The following FIBP variants were observed in gnomAD, a reference collection of about 807,000 sequenced individuals.
The protein encoded by FIBP is FGF1 intracellular binding protein, also known as acidic fibroblast growth factor intracellular-binding protein.
FIBP carries 29 observed loss-of-function variants against 40.5 expected under a neutral mutation model. The ratio of observed to expected loss-of-function variants is 0.72; its 90% confidence interval spans 0.53 to 0.98. The LOEUF is 0.98. Among genes scored for constraint, FIBP ranks in the 50% least tolerant of loss-of-function variants. FIBP has a pLI of 0.00. For synonymous variants in FIBP, 215 were observed against 191.1 expected, an observed-to-expected ratio of 1.13 and a Z score of -1.03; for missense variants, 411 against 470.2, an observed-to-expected ratio of 0.87 and a Z score of 1.16.
chr11:65,886,095 G>A (rs901501752), intron 4 of FIBP: 5 of 499,684 alleles, frequency 1.0e-5, no homozygotes, highest in Non-Finnish European at 1.8e-5. Context: ...TGAACCAGGA[G>A]GCAGAGGTTG....
Position 65,884,594 on chromosome 11 carries a change from G to T in FIBP, c.882C>A (p.Asp294Glu). The change falls in exon 8 of 10, where the codon GAC becomes GAA. Residue 294 changes from aspartate to glutamate, a missense_variant. By Grantham distance (45) the Asp-to-Glu change is conservative (BLOSUM62 2). Transcript: ENST00000357519. Reference sequence around the variant, plus strand: ...CCTTCTCCACGAGGTCCACAAACAGGTCTCTGACATCTTTATTGTGGGTCA... The same window carrying T: ...CCTTCTCCACGAGGTCCACAAACAGTTCTCTGACATCTTTATTGTGGGTCA... ...AKLTHNKDVRDLFVDLVEKFV... is the reference protein window; with the variant it reads ...AKLTHNKDVRELFVDLVEKFV... 1 of 1,614,192 alleles carries T rather than the reference G, an allele frequency of 6.2e-7. No individual in the cohort carries two copies. The highest frequency in any genetic ancestry group is 8.5e-7 in the Non-Finnish European group (1 of 1,180,020).
At position 65,885,628 on chromosome 11, in the gene FIBP, C is replaced by T. The variant is rs752473991; in HGVS notation, c.548G>A (p.Arg183His). 5 of 1,613,994 alleles carry T rather than the reference C, an allele frequency of 3.1e-6. No individual in the cohort carries two copies. The highest frequency in any genetic ancestry group is 1.3e-5 in the African/African-American group (1 of 74,910). The change falls in exon 5 of 10, where the codon CGC becomes CAC. Residue 183 changes from arginine (R) to histidine (H), a missense_variant. Coordinates refer to ENST00000357519, the MANE Select transcript of FIBP (RefSeq NM_004214.5). ...CAGTTTTTTCTTCCCTGTCTCAAAG[C>T]GGTTGTTAGCAAAGAAGACGATGGC... ...YAAIVFFANN[R>H]FETGKKKLQY...
Position 65,885,569 on chromosome 11 carries a change from C to T in FIBP, c.607G>A (p.Ala203Thr), listed in dbSNP as rs376153374. The change falls in exon 5 of 10, where the codon GCT becomes ACT. Residue 203 changes from alanine to threonine, a missense_variant. Ala to Thr is a moderately conservative substitution (Grantham distance 58). Coordinates refer to ENST00000357519, the MANE Select transcript of FIBP (RefSeq NM_004214.5). ...YLSFGDFAFC[A>T]ELMIQNWTLG... ...GTCCAGTTTTGGATCATGAGCTCAG[C>T]GCAGAAGGCAAAGTCACCGAAGCTC... 1.6e-5 allele frequency: 26 copies of T among 1,614,046 alleles called. No homozygotes were observed. Among genetic ancestry groups the T allele is most frequent in the Admixed American group, 1.0e-4 (6 of 59,992 alleles).
chr11:65,884,027 C>G lies in FIBP; in HGVS notation c.1021G>C (p.Asp341His), dbSNP rs368941233. The G allele has an allele frequency of 1.9e-6, 3 of 1,613,576 alleles. No individual in the cohort carries two copies. The African/African-American group carries it at 4.0e-5, about 22-fold the overall frequency. The change falls in exon 10 of 10, where the codon GAC (aspartate) becomes CAC (histidine). Residue 341 changes from aspartate to histidine, a missense_variant. Coordinates refer to ENST00000357519, the MANE Select transcript of FIBP (RefSeq NM_004214.5). The stretch of plus-strand genomic sequence containing the variant: ...CCGCGGAGGGTGCCCATGTAGCGGT[C>G]CCAGAGGGCCTGGTGTCTGTAAGAA... ...LDGFRHQALWDRYMGTLRGCL... is the reference protein window; with the variant it reads ...LDGFRHQALWHRYMGTLRGCL...
In FIBP at chr11:65,884,985, C is replaced by G. The variant is rs1250365176; in HGVS notation, c.769G>C (p.Ala257Pro). Residue 257 changes from alanine to proline, a missense_variant, in exon 7 of 10, where the codon GCT (alanine) becomes CCT (proline). Physicochemically the swap from Ala to Pro is conservative, Grantham distance 27 (BLOSUM62 -1). Transcript: ENST00000357519. The stretch of plus-strand genomic sequence containing the variant: ...AAGACGCCCAGCTTTCCCCGGAGAG[C>G]AGTGCACACCAGGCTGCAGAGAGAC... ...LDLHKSLVCTALRGKLGVFSE... is the reference protein window; with the variant it reads ...LDLHKSLVCTPLRGKLGVFSE... 1 of 1,614,194 alleles carries G rather than the reference C, an allele frequency of 6.2e-7. No homozygotes were observed. The highest frequency in any genetic ancestry group is 8.5e-7 in the Non-Finnish European group (1 of 1,180,040).
rs1237194501 is a variant in FIBP at position 65,885,543 on chromosome 11, G to A, written c.633C>T (p.Thr211=). The part of the protein sequence containing the change: ...FCAELMIQNW[T]LGAVDSQMDD... ...TGGGGGCCTCACCGACGGCTCCAAG[G>A]GTCCAGTTTTGGATCATGAGCTCAG... The change falls in exon 5 of 10, where the codon ACC becomes ACT. Residue 211 remains threonine, a synonymous_variant. Transcript: ENST00000357519. The A allele has an allele frequency of 6.2e-7, 1 of 1,613,882 alleles. No homozygotes were observed. Among genetic ancestry groups the A allele is most frequent in the Non-Finnish European group, 8.5e-7 (1 of 1,179,862 alleles).
chr11:65,887,100 T>C, intron 3 of FIBP: 1 of 222,808 alleles, frequency 4.5e-6, no homozygotes, highest in South Asian at 5.6e-5. Flanking sequence ...CTGATAAAAT[T>C]TCAGGTCATT....
At position 65,887,735 on chromosome 11, in the gene FIBP, G is replaced by A; in HGVS notation, c.285-9C>T. 1 of 1,614,010 alleles carries A rather than the reference G, an allele frequency of 6.2e-7. No individual in the cohort carries two copies. The highest frequency in any genetic ancestry group is 1.1e-5 in the South Asian group (1 of 91,070). On this transcript the variant is annotated splice_polypyrimidine_tract_variant and intron_variant, in intron 2 of 9. Transcript: ENST00000357519. ...CATCAAAGGCATAGTACCTTGTGGA[G>A]TCAGAGAACACCATTGACCCTCCAT...
rs996467689 is a variant in FIBP, at chr11:65,884,916, G to T, written c.819+19C>A. On this transcript the variant is annotated intron_variant, in intron 7 of 9. Transcript: ENST00000357519. ...AGGCTGAAGATGCCAAGGGTCAGAG[G>T]CTGGATGGGACCACAGACCTTGAAG... The T allele has an allele frequency of 1.9e-6, 3 of 1,613,714 alleles. No homozygotes were observed. The highest frequency in any genetic ancestry group is 1.3e-5 in the African/African-American group (1 of 74,922).
At position 65,884,056 on chromosome 11, in the gene FIBP, G is replaced by C; in HGVS notation, c.1005-13C>G. 6.2e-7 allele frequency: 1 copy of C among 1,610,344 alleles called. No individual in the cohort carries two copies. On this transcript the variant is annotated splice_polypyrimidine_tract_variant and intron_variant, in intron 9 of 9. Transcript: ENST00000357519. ...GAGGGCCTGGTGTCTGTAAGAACAT[G>C]AACAGTGACAGCTGAGTTTTCACAA...
intron 9 of FIBP, 163 bp from the exon 10 acceptor site, chr11:65,884,206 G>T: frequency 1.3e-6 from 1 of 748,452 alleles, no homozygotes; most frequent in South Asian, 1.8e-5. Flanking sequence ...CTGAGGCATG[G>T]AGAGGTTAAG....
intron 9 of FIBP, 148 bp downstream of exon 9, chr11:65,884,243 TA>T: frequency 1.2e-6 from 1 of 802,616 alleles, no homozygotes; most frequent in Non-Finnish European, 2.0e-6. Flanking sequence ...ACACAGCTTC[TA>T]AGAGGGAGAG....
rs2231894 is a variant in FIBP, at chr11:65,883,832, C to T, written c.*142G>A. On this transcript the variant is annotated 3_prime_UTR_variant, in exon 10 of 10. Transcript: ENST00000357519. ...GTTCCCAAGGAGCCACTGTACACAT[C>T]CATCCTTGTACACGGACACCAGGTG... 5.1e-6 allele frequency: 4 copies of T among 783,440 alleles called. No homozygotes were observed. In the East Asian group the frequency reaches 1.1e-4, roughly 21 times the overall value. 48.5% of individuals were successfully genotyped at this position (783,440 alleles called of 1,614,324 possible). A position where few individuals can be genotyped will look rare whatever the true frequency, so the allele number is the denominator to read the frequency against.
rs1860180877 is a variant in FIBP at position 65,884,599 on chromosome 11, T to C, written c.877A>G (p.Arg293Gly). 1 of 1,614,176 alleles carries C rather than the reference T, an allele frequency of 6.2e-7. No homozygotes were observed. The highest frequency in any genetic ancestry group is 2.2e-5 in the East Asian group (1 of 44,882). Residue 293 changes from arginine to glycine, a missense_variant, in exon 8 of 10, where the codon AGA becomes GGA. Arg to Gly is a moderately radical substitution (Grantham distance 125). Transcript: ENST00000357519. ...AAKLTHNKDV[R>G]DLFVDLVEKF... ...TCCACGAGGTCCACAAACAGGTCTC[T>C]GACATCTTTATTGTGGGTCAGCTTG...
In FIBP at chr11:65,888,053, G is replaced by A. The variant is rs1273046870; in HGVS notation, c.165C>T (p.Asp55=). Residue 55 remains aspartate, a synonymous_variant, in exon 2 of 10, where the codon GAC becomes GAT. Transcript: ENST00000357519. Reference sequence around the variant, plus strand: ...GGAAGGTGCGGTAATGGTCCATGGTGTCGCTCTGCAGCACCGCTGCCGTGG... The same window carrying A: ...GGAAGGTGCGGTAATGGTCCATGGTATCGCTCTGCAGCACCGCTGCCGTGG... ...TGATAAVLQS[D]TMDHYRTFHM... is the part of the protein sequence containing the mutation. 2.5e-6 allele frequency: 4 copies of A among 1,610,742 alleles called. No homozygotes were observed. In the South Asian group the frequency reaches 4.4e-5, roughly 18 times the overall value.
At chr11:65,885,388 C>G (rs1860208933) in intron 5 of FIBP, 142 bp downstream of exon 5, 1 of 1,090,490 alleles carries the variant, frequency 9.2e-7, no homozygotes, top group South Asian at 1.5e-5. Context: ...GGAAAACATT[C>G]TATGGGCAGG....
intron 3 of FIBP, 130 bp downstream of exon 3, chr11:65,887,462 AAGGAGGGG>A: frequency 8.1e-6 from 8 of 981,648 alleles, no homozygotes; most frequent in African/African-American, 1.6e-5. Context: ...AAAAAAAAAA[AAGGAGGGG>A]AAAGGGGAAG....
rs548885443 is a variant in FIBP, at chr11:65,885,732, A to G, written c.513-69T>C. On this transcript the variant is annotated intron_variant, in intron 4 of 9. Transcript: ENST00000357519. ...TCTTAGGAAGCAGCTCCCACCTGCA[A>G]CCTCAGCTGGGTGTCCGAGTTCTGG... 26 of 1,476,804 alleles carry G rather than the reference A, an allele frequency of 1.8e-5. No homozygotes were observed. In the Admixed American group the frequency reaches 3.0e-4, roughly 17 times the overall value. The allele number at this position is 1,476,804 out of a possible 1,614,324, so 91.5% of individuals were successfully genotyped here. A position where few individuals can be genotyped will look rare whatever the true frequency, so the allele number is the denominator to read the frequency against.
intron 5 of FIBP, 78 bp from the exon 6 acceptor site, chr11:65,885,264 C>T (rs990709795): frequency 2.5e-6 from 3 of 1,176,696 alleles, no homozygotes; most frequent in African/African-American, 1.5e-5. Context: ...TCACCCACCA[C>T]CTTATTTCCC....
Sources: allele counts gnomAD v4.1 joint callset, GRCh38; gene constraint gnomAD v4.1.1; transcripts MANE v1.5; gene names NCBI Gene and HGNC (gene_info 2026-07-23, HGNC 2026-07-21).